Variants in DPP10 observed in about 807,000 individuals in gnomAD.
DPP10 encodes the protein dipeptidyl peptidase like 10, also known as inactive dipeptidyl peptidase 10.
DPP10 carries 33 observed loss-of-function variants against 120.9 expected under a neutral mutation model. The ratio of observed to expected loss-of-function variants is 0.27; its 90% CI spans 0.21 to 0.37. DPP10 has a LOEUF of 0.37. DPP10 is among the 10% of genes least tolerant of loss of function. The pLI is 1.00. For synonymous variants in DPP10, 337 were observed against 326.1 expected (o/e 1.03, Z -0.36); for missense variants, 816 against 942.8 (o/e 0.87, Z 1.76).
chr2:115,603,949 T>C (rs893137823), intron 5 of DPP10, among the ~76,000 whole-genome samples: 1 of 152,166 alleles, frequency 6.6e-6, no homozygotes, highest in African/African-American at 2.4e-5. Flanking sequence ...AAGAAAGACA[T>C]ACATTTCAAC....
Position 114,855,040 on chromosome 2 carries a change from C to T in DPP10, c.60+412202C>T, listed in dbSNP as rs562025618. Among the ~76,000 whole-genome samples the T allele has an allele frequency of 1.3e-4, 20 of 152,190 alleles. 1 individual carries two copies. In the South Asian group the frequency reaches 4.1e-3, roughly 32 times the overall value. Reference sequence around the variant, plus strand: ...GAGAGAGAAAAAGATGAAAAAGTGTCTTTTGATGTACAACAAACTCTTCTT... The same window carrying T: ...GAGAGAGAAAAAGATGAAAAAGTGTTTTTTGATGTACAACAAACTCTTCTT... On this transcript the variant is annotated intron_variant, in intron 1 of 25. Coordinates refer to ENST00000410059, the MANE Select transcript of DPP10 (RefSeq NM_020868.6).
intron 1 of DPP10, among the ~76,000 whole-genome samples, chr2:114,913,871 TA>T (rs1349901078): frequency 7.2e-5 from 11 of 152,182 alleles, no homozygotes; most frequent in South Asian, 6.2e-4. Context: ...ATAGCCATTT[TA>T]AGAAAGAACT....
chr2:115,309,630 A>G (rs911927777), intron 2 of DPP10, among the ~76,000 whole-genome samples: 5 of 152,054 alleles, frequency 3.3e-5, no homozygotes, highest in East Asian at 1.9e-4. Flanking sequence ...CAGACTTACT[A>G]TGTGTTAGTT....
rs1252466636 is a variant in DPP10 at position 115,791,269 on chromosome 2, TTG to T, written c.1631-17_1631-16del. The T allele has an allele frequency of 6.2e-7, 1 of 1,607,814 alleles. No homozygotes were observed. The highest frequency in any genetic ancestry group is 1.7e-4 in the Middle Eastern group (1 of 5,988). On this transcript the variant is annotated splice_polypyrimidine_tract_variant and intron_variant, in intron 18 of 25. Coordinates refer to ENST00000410059, the MANE Select transcript of DPP10 (RefSeq NM_020868.6). ...CAAATGACTCTCCATCTTTAATATT[TTG>T]CTCTTTCTTTAAAAGAACTTCCTTT...
At chr2:115,273,547 A>G (rs1316446508) in intron 1 of DPP10, among the ~76,000 whole-genome samples, 1 of 152,160 alleles carries the variant, frequency 6.6e-6, no homozygotes, top group Non-Finnish European at 1.5e-5. Flanking sequence ...CGTGTTAGCC[A>G]GGATGGTCTC....
chr2:115,033,783 C>T (rs1015471901), intron 1 of DPP10, among the ~76,000 whole-genome samples: 1 of 151,228 alleles, frequency 6.6e-6, no homozygotes, highest in Non-Finnish European at 1.5e-5. Context: ...TCTCTGCAGC[C>T]TCAAACTCCT....
chr2:114,814,699 A>G (rs1685477337), intron 1 of DPP10, among the ~76,000 whole-genome samples: 1 of 152,114 alleles, frequency 6.6e-6, no homozygotes, highest in Non-Finnish European at 1.5e-5. Context: ...AGAAAAAAAA[A>G]GCTGACTCCA....
At chr2:114,724,882 T>TG (rs1574047993) in intron 1 of DPP10, among the ~76,000 whole-genome samples, 2 of 152,304 alleles carry the variant, frequency 1.3e-5, no homozygotes, top group East Asian at 3.9e-4. Context: ...AGCAAGAGTG[T>TG]GGGGTTTTTT....
intron 1 of DPP10, among the ~76,000 whole-genome samples, chr2:115,018,837 T>C (rs2105157688): frequency 6.6e-6 from 1 of 152,232 alleles, no homozygotes; most frequent in East Asian, 1.9e-4. Context: ...ATTCTGCACG[T>C]GTATCCCAGA....
intron 1 of DPP10, among the ~76,000 whole-genome samples, chr2:114,948,488 T>C (rs1697534487): frequency 6.6e-6 from 1 of 152,180 alleles, no homozygotes; most frequent in African/African-American, 2.4e-5. Flanking sequence ...TCACAGTCAC[T>C]TATACTCCTC....
chr2:114,884,715 C>T (rs1691914964), intron 1 of DPP10, among the ~76,000 whole-genome samples: 1 of 152,188 alleles, frequency 6.6e-6, no homozygotes, highest in Non-Finnish European at 1.5e-5. Context: ...CCTCCTCCCA[C>T]CCTTCCCCCA....
At chr2:115,231,610 A>G (rs561858581) in intron 1 of DPP10, among the ~76,000 whole-genome samples, 17 of 152,318 alleles carry the variant, frequency 1.1e-4, no homozygotes, top group African/African-American at 3.6e-4. Context: ...CCTAGTTTCA[A>G]TACAAAATAA....
chr2:114,840,065 C>A (rs897572585), intron 1 of DPP10, among the ~76,000 whole-genome samples: 1 of 152,060 alleles, frequency 6.6e-6, no homozygotes, highest in African/African-American at 2.4e-5. Flanking sequence ...CACAAACATC[C>A]CCACTGGGCC....
intron 1 of DPP10, among the ~76,000 whole-genome samples, chr2:114,771,717 T>C (rs974781329): frequency 6.6e-6 from 1 of 152,212 alleles, no homozygotes; most frequent in African/African-American, 2.4e-5. Flanking sequence ...CATGTGATTT[T>C]CAACACTTCC....
intron 1 of DPP10, among the ~76,000 whole-genome samples, chr2:114,961,471 G>A (rs892036220): frequency 4.1e-5 from 6 of 145,702 alleles, no homozygotes; most frequent in Non-Finnish European, 7.4e-5. Flanking sequence ...GTGTGTGTGT[G>A]CGCGCGCACA....
intron 1 of DPP10, among the ~76,000 whole-genome samples, chr2:114,571,177 C>T (rs1447672091): frequency 6.6e-6 from 1 of 152,090 alleles, no homozygotes; most frequent in African/African-American, 2.4e-5. Flanking sequence ...ACGGGGCGTA[C>T]TGGGAGGTGA....
At chr2:114,830,832 G>C (rs887352128) in intron 1 of DPP10, among the ~76,000 whole-genome samples, 3 of 151,740 alleles carry the variant, frequency 2.0e-5, no homozygotes, top group African/African-American at 7.3e-5. Flanking sequence ...ATTGATTTGA[G>C]TATTAGGTCT....
At chr2:114,653,614 C>T (rs921078015) in intron 1 of DPP10, among the ~76,000 whole-genome samples, 14 of 152,042 alleles carry the variant, frequency 9.2e-5, no homozygotes, top group Non-Finnish European at 1.8e-4. Flanking sequence ...TTTGTCATGC[C>T]CTCCAAAGGG....
intron 1 of DPP10, among the ~76,000 whole-genome samples, chr2:115,289,323 A>G (rs2060542383): frequency 6.6e-6 from 1 of 152,068 alleles, no homozygotes; most frequent in Non-Finnish European, 1.5e-5. Flanking sequence ...AAACAATGGG[A>G]AAAGCATCCC....
Sources: gnomAD v4.1 joint callset for allele counts (sites outside exome capture counted in the v4.1 genomes callset) on GRCh38, gnomAD v4.1.1 for gene constraint, MANE v1.5 for transcripts, NCBI Gene and HGNC (gene_info 2026-07-23, HGNC 2026-07-21) for gene names.